KCNIP4: variants seen among roughly 807,000 people sequenced by gnomAD.
KCNIP4 encodes the protein Kv channel-interacting protein 4.
KCNIP4 carries 12 observed loss-of-function variants against 34.0 expected under a neutral mutation model. The observed-to-expected ratio is 0.35, with a 90% confidence interval of 0.23 to 0.57. KCNIP4 has a LOEUF of 0.57. Among genes scored for constraint, KCNIP4 ranks in the 20% least tolerant of loss-of-function variants. The pLI, the probability that KCNIP4 is intolerant of heterozygous loss-of-function variation, is 0.83. For missense variants in KCNIP4, 238 were observed against 311.7 expected (o/e 0.76, Z 1.78); for synonymous variants, 124 against 102.2 (o/e 1.21, Z -1.29).
chr4:21,190,568 G>A (rs1577860052), intron 1 of KCNIP4, among the ~76,000 whole-genome samples: 2 of 152,244 alleles, frequency 1.3e-5, no homozygotes, highest in East Asian at 3.9e-4. Flanking sequence ...TCAGGTGCTG[G>A]AGATTCAGTG....
At chr4:21,476,762 T>C (rs1731016542) in intron 1 of KCNIP4, among the ~76,000 whole-genome samples, 1 of 152,342 alleles carries the variant, frequency 6.6e-6, no homozygotes. Flanking sequence ...TTCATGTTTC[T>C]TTTTGTTAGG....
chr4:21,414,794 A>T (rs1577325708), intron 1 of KCNIP4, among the ~76,000 whole-genome samples: 3 of 151,838 alleles, frequency 2.0e-5, no homozygotes, highest in Non-Finnish European at 2.9e-5. Flanking sequence ...TGAATCTTTA[A>T]TTTTTTTTCT....
chr4:21,454,944 A>G (rs358572), intron 1 of KCNIP4, among the ~76,000 whole-genome samples: 24,349 of 151,952 alleles, frequency 0.16, 2,131 homozygotes, highest in Admixed American at 0.22. Context: ...TCATAGGGTG[A>G]CCAACTGCTT....
At chr4:21,047,786 G>C (rs1742566077) in intron 1 of KCNIP4, among the ~76,000 whole-genome samples, 1 of 152,118 alleles carries the variant, frequency 6.6e-6, no homozygotes, top group African/African-American at 2.4e-5. Context: ...ACATTCATTT[G>C]CTAATAAAAT....
intron 1 of KCNIP4, among the ~76,000 whole-genome samples, chr4:21,254,360 C>T (rs1760917278): frequency 6.6e-6 from 1 of 152,042 alleles, no homozygotes; most frequent in Non-Finnish European, 1.5e-5. Context: ...GGGAGCATCA[C>T]CTGAAGTACT....
chr4:20,779,839 C>A (rs1056028572), intron 3 of KCNIP4, among the ~76,000 whole-genome samples: 7 of 152,088 alleles, frequency 4.6e-5, no homozygotes, highest in African/African-American at 1.4e-4. Flanking sequence ...ATGGTGACAG[C>A]TGCCAGAAGA....
At chr4:21,286,920 T>G (rs1320333887) in intron 1 of KCNIP4, among the ~76,000 whole-genome samples, 1 of 152,148 alleles carries the variant, frequency 6.6e-6, no homozygotes, top group Non-Finnish European at 1.5e-5. Flanking sequence ...GAAATGTAAT[T>G]GAGAGGAGGC....
In KCNIP4 at chr4:21,117,713, C is replaced by T. The variant is rs149352792; in HGVS notation, c.62-235004G>A. 3.7e-3 allele frequency among the ~76,000 whole-genome samples: 568 copies of T among 152,048 alleles called. 1 individual carries two copies. The Middle Eastern group carries it at 0.041, about 11-fold the overall frequency. On this transcript the variant is annotated intron_variant, in intron 1 of 8. Coordinates refer to ENST00000382152, the MANE Select transcript of KCNIP4 (RefSeq NM_025221.6). ...TCAAACTGAAGCTGTTTGAATGGGCCCCTAGGTCCATTTCTTTGTTTTATG... is the reference window on the plus strand; with the variant it reads ...TCAAACTGAAGCTGTTTGAATGGGCTCCTAGGTCCATTTCTTTGTTTTATG...
chr4:21,067,714 C>T (rs566163569), intron 1 of KCNIP4, among the ~76,000 whole-genome samples: 1 of 152,204 alleles, frequency 6.6e-6, no homozygotes, highest in Admixed American at 6.5e-5. Context: ...GTGGTGGTGG[C>T]CATAGGGATG....
intron 1 of KCNIP4, among the ~76,000 whole-genome samples, chr4:21,813,871 C>T (rs1560733816): frequency 6.6e-6 from 1 of 152,168 alleles, no homozygotes; most frequent in African/African-American, 2.4e-5. Flanking sequence ...GCATCAATCA[C>T]TTTTGCCAGT....
At chr4:21,595,899 C>T (rs1048777451) in intron 1 of KCNIP4, among the ~76,000 whole-genome samples, 1 of 152,000 alleles carries the variant, frequency 6.6e-6, no homozygotes, top group African/African-American at 2.4e-5. Context: ...ACTGAGAATC[C>T]CCAGGAGCAT....
At chr4:21,236,161 A>G (rs759085839) in intron 1 of KCNIP4, among the ~76,000 whole-genome samples, 2 of 152,002 alleles carry the variant, frequency 1.3e-5, no homozygotes, top group Non-Finnish European at 2.9e-5. Context: ...AATAATAAAA[A>G]ATGGCTTTAT....
intron 1 of KCNIP4, among the ~76,000 whole-genome samples, chr4:21,657,075 G>C (rs138152271): frequency 3.9e-5 from 6 of 152,242 alleles, no homozygotes; most frequent in African/African-American, 1.4e-4. Flanking sequence ...GTCAATAAAT[G>C]TCAGCTAGTG....
intron 3 of KCNIP4, among the ~76,000 whole-genome samples, chr4:20,798,465 C>T (rs1272209253): frequency 6.6e-6 from 1 of 151,944 alleles, no homozygotes; most frequent in African/African-American, 2.4e-5. Flanking sequence ...AACAAGATGG[C>T]TATCTAGAAG....
intron 1 of KCNIP4, among the ~76,000 whole-genome samples, chr4:21,535,876 T>G (rs559191951): frequency 6.6e-6 from 1 of 152,258 alleles, no homozygotes; most frequent in Non-Finnish European, 1.5e-5. Flanking sequence ...TTTTAAAATG[T>G]CAATTCCTGG....
chr4:21,609,839 C>A (rs1432924970), intron 1 of KCNIP4, among the ~76,000 whole-genome samples: 1 of 152,188 alleles, frequency 6.6e-6, no homozygotes, highest in Non-Finnish European at 1.5e-5. Flanking sequence ...TTGTGGTTAT[C>A]ACATTTAATA....
chr4:20,787,375 G>A (rs781588730), intron 3 of KCNIP4, among the ~76,000 whole-genome samples: 18 of 152,108 alleles, frequency 1.2e-4, no homozygotes, highest in Non-Finnish European at 2.5e-4. Context: ...GTTTGAGAAT[G>A]CTATATGAGT....
intron 1 of KCNIP4, among the ~76,000 whole-genome samples, chr4:21,681,064 T>C (rs1275003155): frequency 6.6e-6 from 1 of 152,144 alleles, no homozygotes; most frequent in Non-Finnish European, 1.5e-5. Context: ...CTTCTTCCAA[T>C]ATAAATCTTT....
intron 1 of KCNIP4, among the ~76,000 whole-genome samples, chr4:20,992,617 G>A (rs901827567): frequency 4.6e-5 from 7 of 151,960 alleles, no homozygotes; most frequent in East Asian, 3.9e-4. Context: ...ATTATCACCC[G>A]GATCGGATCA....
Sources: gnomAD v4.1 joint callset for allele counts (sites outside exome capture counted in the v4.1 genomes callset) on GRCh38, gnomAD v4.1.1 for gene constraint, MANE v1.5 for transcripts, NCBI Gene and HGNC (gene_info 2026-07-23, HGNC 2026-07-21) for gene names.